Variants in SLC25A42 observed in about 807,000 individuals in gnomAD.
SLC25A42 encodes the protein mitochondrial coenzyme A transporter SLC25A42.
SLC25A42 carries 19 observed loss-of-function variants against 34.7 expected under a neutral mutation model. The observed-to-expected ratio is 0.55, with a 90% confidence interval of 0.38 to 0.80. SLC25A42 has a LOEUF of 0.80. Ranked by LOEUF, SLC25A42 falls within the 30% of genes least tolerant of loss-of-function variation. The probability of loss-of-function intolerance (pLI) is 0.00; values close to 1 mark genes in which losing one functional copy is unlikely to be tolerated. For synonymous variants in SLC25A42, 205 were observed against 191.2 expected (o/e 1.07, Z -0.59); for missense variants, 364 against 441.3 (o/e 0.82, Z 1.57).
chr19:19,095,634 A>G (rs1202120212), intron 1 of SLC25A42, among the ~76,000 whole-genome samples: 1 of 152,226 alleles, frequency 6.6e-6, no homozygotes, highest in Non-Finnish European at 1.5e-5. Flanking sequence ...TAAATAAAAA[A>G]TAAAGTATTT....
rs144747940 is a variant in SLC25A42, at chr19:19,080,753, C to G, written c.-34-15338C>G. On this transcript the variant is annotated intron_variant, in intron 1 of 7. Transcript: ENST00000318596. Reference sequence around the variant, plus strand: ...TGGGCAACATGGTGAAACCCCGTCTCTACGAAAAACACAAAAATTAGCTGG... The same window carrying G: ...TGGGCAACATGGTGAAACCCCGTCTGTACGAAAAACACAAAAATTAGCTGG... 2.1e-3 allele frequency among the ~76,000 whole-genome samples: 314 copies of G among 151,876 alleles called. 1 individual carries two copies. The highest frequency in any genetic ancestry group is 3.5e-3 in the Non-Finnish European group (238 of 67,920).
In SLC25A42 at chr19:19,111,900, C is replaced by T. The variant is rs1342462993; in HGVS notation, c.*1024C>T. 2 of 152,188 alleles carry T rather than the reference C, an allele frequency of 1.3e-5. No homozygotes were observed. Among genetic ancestry groups the T allele is most frequent in the Admixed American group, 6.5e-5 (1 of 15,272 alleles). 9.4% of individuals were successfully genotyped at this position (152,188 alleles called of 1,614,324 possible). A position where few individuals can be genotyped will look rare whatever the true frequency, so the allele number is the denominator to read the frequency against. ...TGGAGCATGGGGTGCCTGCTAGCCT[C>T]AATCCCCCGAAGTGGGAGCCTCATG... On this transcript the variant is annotated 3_prime_UTR_variant, in exon 8 of 8. Coordinates refer to ENST00000318596, the MANE Select transcript of SLC25A42 (RefSeq NM_178526.5).
intron 1 of SLC25A42, among the ~76,000 whole-genome samples, chr19:19,089,949 C>T (rs932606535): frequency 6.6e-6 from 1 of 152,234 alleles, no homozygotes; most frequent in African/African-American, 2.4e-5. Context: ...AATGTCTGTT[C>T]CACTGGGGGT....
chr19:19,097,778 C>CAT lies in SLC25A42; in HGVS notation c.81+1574_81+1575dup, dbSNP rs564034011. On this transcript the variant is annotated intron_variant, in intron 2 of 7. Transcript: ENST00000318596. ...AGGAGTTCGAGACCAGCCTGGCCAA[C>CAT]ATGGTGAAACCCCATCTCTACTAAA... Among the ~76,000 whole-genome samples the CAT allele has an allele frequency of 2.6e-3, 390 of 152,282 alleles. 11 individuals are homozygous for CAT. The highest frequency in any genetic ancestry group is 0.025 in the Admixed American group (379 of 15,300).
In SLC25A42 at chr19:19,110,915, C is replaced by G; in HGVS notation, c.*39C>G. ...GCTCTCAGGACGGTGGACCGGTGAC[C>G]CCTTTGTATTCTGGGCCCATGGAAC... On this transcript the variant is annotated 3_prime_UTR_variant, in exon 8 of 8. Transcript: ENST00000318596. 1 of 1,607,168 alleles carries G rather than the reference C, an allele frequency of 6.2e-7. No individual in the cohort carries two copies. The highest frequency in any genetic ancestry group is 1.3e-5 in the African/African-American group (1 of 74,812).
At chr19:19,106,454 A>C (rs2059828993) in intron 6 of SLC25A42, 69 bp downstream of exon 6, 1 of 1,335,010 alleles carries the variant, frequency 7.5e-7, no homozygotes, top group Middle Eastern at 1.9e-4. Context: ...CCAGGTCGGA[A>C]TCCCTCTCTC....
intron 1 of SLC25A42, among the ~76,000 whole-genome samples, chr19:19,093,582 C>T (rs1327841156): frequency 5.3e-5 from 8 of 152,192 alleles, no homozygotes; most frequent in Non-Finnish European, 7.3e-5. Flanking sequence ...TGGGCTGAGA[C>T]GGTTTCTCAG....
intron 1 of SLC25A42, among the ~76,000 whole-genome samples, chr19:19,087,067 C>T (rs138496074): frequency 5.3e-4 from 80 of 152,256 alleles, no homozygotes; most frequent in African/African-American, 1.9e-3. Context: ...CTCTAGCATA[C>T]TTGCCTTCCG....
chr19:19,089,730 A>G (rs2059727920), intron 1 of SLC25A42, among the ~76,000 whole-genome samples: 1 of 151,818 alleles, frequency 6.6e-6, no homozygotes, highest in African/African-American at 2.4e-5. Context: ...TTAGCTGCGC[A>G]TGGCAGCACA....
chr19:19,095,829 C>T, intron 1 of SLC25A42: 1 of 482,908 alleles, frequency 2.1e-6, no homozygotes, highest in Non-Finnish European at 3.9e-6. Context: ...TGGCTGGCTG[C>T]TTAACTTCTC....
intron 2 of SLC25A42, among the ~76,000 whole-genome samples, chr19:19,099,911 A>G (rs1162091034): frequency 4.6e-5 from 7 of 151,702 alleles, no homozygotes; most frequent in Non-Finnish European, 1.0e-4. Context: ...TATTTTTAGT[A>G]GAGATGGGGT....
At chr19:19,069,887 G>C (rs962398677) in intron 1 of SLC25A42, among the ~76,000 whole-genome samples, 2 of 150,716 alleles carry the variant, frequency 1.3e-5, no homozygotes, top group Non-Finnish European at 2.9e-5. Flanking sequence ...CTGCAGTGGT[G>C]CGATCTTCGC....
At chr19:19,076,766 C>G (rs12985799) in intron 1 of SLC25A42, among the ~76,000 whole-genome samples, 1 of 152,054 alleles carries the variant, frequency 6.6e-6, no homozygotes, top group Non-Finnish European at 1.5e-5. Context: ...TCCTTGGAAC[C>G]AGATCAAGAC....
intron 1 of SLC25A42, among the ~76,000 whole-genome samples, chr19:19,087,319 G>T (rs552159694): frequency 2.0e-5 from 3 of 152,114 alleles, no homozygotes; most frequent in African/African-American, 7.2e-5. Context: ...ACAGAGTCTC[G>T]CTCTGTCGCC....
intron 1 of SLC25A42, among the ~76,000 whole-genome samples, chr19:19,093,259 T>C (rs1282170592): frequency 6.6e-6 from 1 of 152,152 alleles, no homozygotes; most frequent in Admixed American, 6.5e-5. Flanking sequence ...CAAGCGATCC[T>C]CCTACCTCAG....
chr19:19,071,602 C>T lies in SLC25A42; in HGVS notation c.-35+7487C>T, dbSNP rs148798519. Among the ~76,000 whole-genome samples the T allele has an allele frequency of 4.9e-3, 748 of 152,212 alleles. 11 individuals are homozygous for T. The highest frequency in any genetic ancestry group is 0.017 in the African/African-American group (696 of 41,556). ...CAAAATTAGGGCTGGTGCGGTGGCT[C>T]ACACCTGTAATCCCAGCACTTTGGG... is the stretch of plus-strand genomic sequence containing the variant. On this transcript the variant is annotated intron_variant, in intron 1 of 7. Coordinates refer to ENST00000318596, the MANE Select transcript of SLC25A42 (RefSeq NM_178526.5).
chr19:19,110,703 T>C lies in SLC25A42; in HGVS notation c.784T>C (p.Tyr262His). The C allele has an allele frequency of 1.3e-6, 2 of 1,593,854 alleles. No individual in the cohort carries two copies. Among genetic ancestry groups the C allele is most frequent in the Non-Finnish European group, 1.7e-6 (2 of 1,171,166 alleles). Residue 262 changes from tyrosine to histidine, a missense_variant, in exon 8 of 8, where the codon TAC becomes CAC. Tyr to His is a moderately conservative substitution (Grantham distance 83, BLOSUM62 2). Coordinates refer to ENST00000318596, the MANE Select transcript of SLC25A42 (RefSeq NM_178526.5). ...RRMQTAGVTG[Y>H]PRASIARTLR... ...CATGCAGACGGCCGGCGTCACGGGC[T>C]ACCCGCGCGCCTCCATCGCCCGCAC...
intron 1 of SLC25A42, among the ~76,000 whole-genome samples, chr19:19,079,307 C>T (rs2059670066): frequency 6.6e-6 from 1 of 152,106 alleles, no homozygotes; most frequent in Non-Finnish European, 1.5e-5. Flanking sequence ...CTGACTGACT[C>T]AGCCTCCTGA....
At chr19:19,104,541 G>C (rs991919408) in intron 3 of SLC25A42, among the ~76,000 whole-genome samples, 11 of 152,226 alleles carry the variant, frequency 7.2e-5, no homozygotes, top group Non-Finnish European at 1.5e-4. Context: ...TGGGACCCTG[G>C]GAGGGGCATG....
Sources: gnomAD v4.1 joint callset for allele counts (sites outside exome capture counted in the v4.1 genomes callset) on GRCh38, gnomAD v4.1.1 for gene constraint, MANE v1.5 for transcripts, NCBI Gene and HGNC (gene_info 2026-07-23, HGNC 2026-07-21) for gene names.